Variants in TOX observed in about 807,000 individuals in gnomAD.
TOX encodes thymocyte selection-associated high mobility group box protein TOX.
In TOX, 11 loss-of-function variants were observed where a neutral mutation model predicts 53.7. The observed-to-expected ratio is 0.20, with a 90% CI of 0.13 to 0.34. The LOEUF (loss-of-function observed/expected upper bound fraction) is 0.34, where lower values mean the gene tolerates loss of function less well. Among genes scored for constraint, TOX ranks in the 10% least tolerant of loss-of-function variants. The probability of loss-of-function intolerance (pLI) is 1.00; values close to 1 mark genes in which losing one functional copy is unlikely to be tolerated. For synonymous variants in TOX, 225 were observed against 245.3 expected, an observed-to-expected ratio of 0.92 and a Z score of 0.77; for missense variants, 570 against 664.6, an observed-to-expected ratio of 0.86 and a Z score of 1.56.
chr8:58,992,658 G>A (rs1329754284), intron 1 of TOX: 3 of 152,082 alleles, frequency 2.0e-5, no homozygotes, highest in East Asian at 1.9e-4. Context: ...TTAATCAATC[G>A]TGCTTATGTA....
intron 1 of TOX, among the ~76,000 whole-genome samples, chr8:59,005,844 A>G (rs1220371444): frequency 2.6e-5 from 4 of 152,244 alleles, no homozygotes; most frequent in South Asian, 4.1e-4. Context: ...TGAAGCTGAA[A>G]GAGAACTGCT....
chr8:59,118,912 A>G lies in TOX; in HGVS notation c.76T>C (p.Cys26Arg), dbSNP rs1805158499. The change falls in exon 1 of 9, where the codon TGC becomes CGC. Residue 26 changes from cysteine (C) to arginine (R), a missense_variant. Transcript: ENST00000361421. This position sits in a 1 kb window ranked among gnomAD's most constrained non-coding sequence, Gnocchi z 4.1. ...PDAPCLGPSPCLDPYYCNKFD... is the reference protein window; with the variant it reads ...PDAPCLGPSPRLDPYYCNKFD... ...TTGTTGCAATAGTAGGGGTCCAGGCAGGGAGAAGGTCCCAGACAGGGAGCG... is the reference window on the plus strand; with the variant it reads ...TTGTTGCAATAGTAGGGGTCCAGGCGGGGAGAAGGTCCCAGACAGGGAGCG... The G allele has an allele frequency of 1.3e-6, 2 of 1,597,636 alleles. No individual in the cohort carries two copies. Among genetic ancestry groups the G allele is most frequent in the South Asian group, 2.2e-5 (2 of 90,142 alleles).
intron 6 of TOX, among the ~76,000 whole-genome samples, chr8:58,819,050 G>T (rs562503243): frequency 5.3e-5 from 8 of 152,144 alleles, no homozygotes; most frequent in South Asian, 2.1e-4. Context: ...TTATTTTATT[G>T]TTCTGGAAGA....
At chr8:58,882,599 C>A (rs999204636) in intron 3 of TOX, among the ~76,000 whole-genome samples, 11 of 152,046 alleles carry the variant, frequency 7.2e-5, no homozygotes, top group African/African-American at 2.2e-4. Flanking sequence ...AGAAATTGAC[C>A]CACTTTCTTT....
intron 5 of TOX, 102 bp from the exon 6 acceptor site, chr8:58,827,004 G>T: frequency 1.6e-6 from 1 of 610,448 alleles, no homozygotes; most frequent in Non-Finnish European, 2.5e-6. Context: ...CACACTTATA[G>T]TTATATAATA....
chr8:58,952,679 T>C (rs955102568), intron 2 of TOX, among the ~76,000 whole-genome samples: 4 of 152,190 alleles, frequency 2.6e-5, no homozygotes, highest in African/African-American at 9.7e-5. Flanking sequence ...TGAGAATCTG[T>C]TTTTACCACT....
chr8:58,972,385 C>A (rs1813017030), intron 1 of TOX, among the ~76,000 whole-genome samples: 1 of 152,066 alleles, frequency 6.6e-6, no homozygotes, highest in Non-Finnish European at 1.5e-5. Flanking sequence ...GAAAATATTA[C>A]CCAGTCATAA....
intron 3 of TOX, among the ~76,000 whole-genome samples, chr8:58,875,812 A>G (rs924431778): frequency 1.3e-5 from 2 of 152,182 alleles, no homozygotes; most frequent in Admixed American, 6.5e-5. Context: ...TTTAAGCTTC[A>G]GTTTTTGCTC....
chr8:58,890,398 A>G lies in TOX; in HGVS notation c.412-38593T>C, dbSNP rs16924205. Among the ~76,000 whole-genome samples the G allele has an allele frequency of 7.2e-3, 1,092 of 152,308 alleles. 15 individuals are homozygous for G. The highest frequency in any genetic ancestry group is 0.024 in the African/African-American group (985 of 41,562). ...CCTGAAGGGTCAGTAGAATGTTAGA[A>G]AGCAGAAGTCGGGAAAGTAGAAAAT... On this transcript the variant is annotated intron_variant, in intron 3 of 8. Transcript: ENST00000361421.
At chr8:59,063,915 C>CGT (rs1018297399) in intron 1 of TOX, among the ~76,000 whole-genome samples, 11 of 146,838 alleles carry the variant, frequency 7.5e-5, no homozygotes, top group Non-Finnish European at 1.6e-4. Context: ...TGTGTGTGTT[C>CGT]GTGTGTGTGT....
chr8:59,115,243 A>C (rs1214174557), intron 1 of TOX, among the ~76,000 whole-genome samples: 2 of 152,132 alleles, frequency 1.3e-5, no homozygotes, highest in Non-Finnish European at 2.9e-5. Context: ...TAGCCATGTC[A>C]TAACATAATT....
chr8:58,820,616 A>G (rs1268508473), intron 6 of TOX, among the ~76,000 whole-genome samples: 1 of 152,194 alleles, frequency 6.6e-6, no homozygotes, highest in Non-Finnish European at 1.5e-5. Context: ...GGAAACAGCT[A>G]ATAGTCACTT....
chr8:59,031,126 G>C (rs1243208165), intron 1 of TOX, among the ~76,000 whole-genome samples: 1 of 152,214 alleles, frequency 6.6e-6, no homozygotes, highest in Non-Finnish European at 1.5e-5. Flanking sequence ...GAGCAAGAAA[G>C]ACCATAGGTG....
At chr8:59,017,291 T>G (rs988358878) in intron 1 of TOX, among the ~76,000 whole-genome samples, 1 of 152,234 alleles carries the variant, frequency 6.6e-6, no homozygotes, top group African/African-American at 2.4e-5. Context: ...GGAGAGACCC[T>G]GTCTATGTAA....
intron 1 of TOX, among the ~76,000 whole-genome samples, chr8:59,109,607 G>A (rs1804976713): frequency 6.6e-6 from 1 of 152,074 alleles, no homozygotes. Flanking sequence ...AGTGAGGTAG[G>A]AGGCCTTTAT....
intron 1 of TOX, among the ~76,000 whole-genome samples, chr8:59,104,651 G>A (rs772798807): frequency 5.9e-5 from 9 of 152,130 alleles, no homozygotes; most frequent in Non-Finnish European, 1.0e-4. Flanking sequence ...GGGAGATAAC[G>A]TTCTATGTTA....
chr8:59,049,653 T>C (rs541137747), intron 1 of TOX, among the ~76,000 whole-genome samples: 1 of 152,280 alleles, frequency 6.6e-6, no homozygotes, highest in South Asian at 2.1e-4. Context: ...TTTTCTAATC[T>C]ATAAATTATT....
At chr8:59,026,795 C>T (rs1814248112) in intron 1 of TOX, among the ~76,000 whole-genome samples, 1 of 151,910 alleles carries the variant, frequency 6.6e-6, no homozygotes, top group Non-Finnish European at 1.5e-5. Flanking sequence ...CAATTTTCTG[C>T]CTGTCTTGCC....
intron 3 of TOX, among the ~76,000 whole-genome samples, chr8:58,920,637 G>C (rs2166922): frequency 0.78 from 67,071 of 86,472 alleles, 26,394 homozygotes; most frequent in East Asian, 0.88. Context: ...CAGTGCACCA[G>C]CATGGCACAT....
Sources: allele counts gnomAD v4.1 joint callset (sites outside exome capture counted in the v4.1 genomes callset), GRCh38; gene constraint gnomAD v4.1.1; non-coding constraint Gnocchi (gnomAD v3.1); transcripts MANE v1.5; gene names NCBI Gene and HGNC (gene_info 2026-07-23, HGNC 2026-07-21).